The following GRB10 variants were observed in gnomAD, a reference collection of about 807,000 sequenced individuals.
GRB10 encodes the protein growth factor receptor bound protein 10.
In GRB10, 20 loss-of-function variants were observed where a neutral mutation model predicts 80.9. The ratio of observed to expected loss-of-function variants is 0.25; its 90% CI spans 0.17 to 0.36. GRB10 has a LOEUF of 0.36. Ranked by LOEUF, GRB10 falls within the 10% of genes least tolerant of loss-of-function variation. The pLI is 1.00. For synonymous variants in GRB10, 291 were observed against 291.5 expected (o/e 1.00, Z 0.02); for missense variants, 548 against 747.7 (o/e 0.73, Z 3.12).
Position 50,643,416 on chromosome 7 carries a change from T to C in GRB10, c.505-16438A>G, listed in dbSNP as rs1354696050. 3.3e-5 allele frequency among the ~76,000 whole-genome samples: 5 copies of C among 152,206 alleles called. No individual in the cohort carries two copies. The East Asian group carries it at 7.7e-4, about 23-fold the overall frequency. ...CAAGGAAACACCACACAAACCAAAA[T>C]GGCCCTTCAAGAAATCCCATCCGTC... On this transcript the variant is annotated intron_variant, in intron 7 of 18. Coordinates refer to ENST00000401949, the MANE Select transcript of GRB10 (RefSeq NM_001350814.2).
chr7:50,672,097 C>CA (rs1278300927), intron 6 of GRB10, among the ~76,000 whole-genome samples: 11 of 152,254 alleles, frequency 7.2e-5, no homozygotes, highest in African/African-American at 2.7e-4. Context: ...TCGGCTCACC[C>CA]ATCGGCTTTC....
chr7:50,641,595 C>G (rs1041561272), intron 7 of GRB10, among the ~76,000 whole-genome samples: 1 of 152,216 alleles, frequency 6.6e-6, no homozygotes, highest in Non-Finnish European at 1.5e-5. Context: ...ATGACAGCAG[C>G]TGAAGGCTGC....
chr7:50,603,370 A>G (rs2047948592), intron 17 of GRB10, among the ~76,000 whole-genome samples: 1 of 152,218 alleles, frequency 6.6e-6, no homozygotes, highest in Admixed American at 6.5e-5. Flanking sequence ...TGATGGTACG[A>G]GAATCTTGAG....
chr7:50,764,133 C>T (rs567662921), intron 2 of GRB10, among the ~76,000 whole-genome samples: 34 of 150,294 alleles, frequency 2.3e-4, no homozygotes, highest in South Asian at 6.2e-4. Flanking sequence ...CCTGTGGCCC[C>T]AGCTGCCTTC....
At chr7:50,726,154 T>C (rs1179426470) in intron 4 of GRB10, 3 of 152,094 alleles carry the variant, frequency 2.0e-5, no homozygotes, top group Non-Finnish European at 4.4e-5. Flanking sequence ...TCCCAGACCT[T>C]TGGGAGGCAG....
intron 2 of GRB10, among the ~76,000 whole-genome samples, chr7:50,760,811 G>A (rs906274548): frequency 6.6e-6 from 1 of 152,140 alleles, no homozygotes; most frequent in Admixed American, 6.5e-5. Context: ...AGGATCCCTG[G>A]GACTAGAATC....
chr7:50,628,415 A>G (rs1288339481), intron 7 of GRB10, among the ~76,000 whole-genome samples: 1 of 152,134 alleles, frequency 6.6e-6, no homozygotes, highest in East Asian at 1.9e-4. Context: ...CTGACAGCAG[A>G]GGGAAGGGCT....
intron 5 of GRB10, among the ~76,000 whole-genome samples, chr7:50,697,810 G>A (rs1250182268): frequency 2.0e-5 from 3 of 152,156 alleles, no homozygotes; most frequent in Non-Finnish European, 2.9e-5. Context: ...CTGTGCTGTG[G>A]GCTGAACCAC....
At chr7:50,605,154 C>T (rs2048308019) in intron 15 of GRB10, 136 bp downstream of exon 15, 4 of 471,916 alleles carry the variant, frequency 8.5e-6, no homozygotes, top group African/African-American at 3.7e-5. Flanking sequence ...CTGCTTCCTG[C>T]AGCTGAGAAC....
chr7:50,715,539 G>A (rs1023163754), intron 4 of GRB10, among the ~76,000 whole-genome samples: 6 of 152,066 alleles, frequency 3.9e-5, no homozygotes, highest in Admixed American at 3.9e-4. Context: ...ATCTTATTGT[G>A]GCATGAGCCA....
upstream of GRB10, among the ~76,000 whole-genome samples, chr7:50,785,451 G>A (rs2078652887): frequency 1.3e-5 from 2 of 152,218 alleles, no homozygotes; most frequent in African/African-American, 4.8e-5. Flanking sequence ...GGGCTCTGAA[G>A]AGCCTGTACA....
At chr7:50,788,911 C>A (rs1399173435) in intron 1 of GRB10, among the ~76,000 whole-genome samples, 1 of 152,210 alleles carries the variant, frequency 6.6e-6, no homozygotes, top group African/African-American at 2.4e-5. Flanking sequence ...AGATCTGTCT[C>A]CACACCCAAT....
chr7:50,676,815 T>C (rs750623006), intron 5 of GRB10, among the ~76,000 whole-genome samples: 6 of 151,108 alleles, frequency 4.0e-5, no homozygotes, highest in Non-Finnish European at 7.4e-5. Context: ...GCTTCTGGAG[T>C]GGGTGGGACA....
chr7:50,708,580 C>A (rs953366999), intron 4 of GRB10, among the ~76,000 whole-genome samples: 1 of 152,008 alleles, frequency 6.6e-6, no homozygotes, highest in Non-Finnish European at 1.5e-5. Flanking sequence ...GGTTTCCTCT[C>A]CAGGTTAGTT....
chr7:50,759,137 G>A (rs193169873), intron 2 of GRB10, among the ~76,000 whole-genome samples: 3 of 146,532 alleles, frequency 2.0e-5, no homozygotes, highest in African/African-American at 7.6e-5. Context: ...AGGCTGCAGT[G>A]AGCTGAGATC....
intron 5 of GRB10, among the ~76,000 whole-genome samples, chr7:50,690,642 G>A (rs1488859715): frequency 1.3e-5 from 2 of 152,194 alleles, no homozygotes; most frequent in East Asian, 1.9e-4. Flanking sequence ...TCGCCTACAC[G>A]AGCAACCGAT....
At chr7:50,617,353 T>C (rs1193251885) in intron 10 of GRB10, among the ~76,000 whole-genome samples, 3 of 152,236 alleles carry the variant, frequency 2.0e-5, no homozygotes, top group Non-Finnish European at 4.4e-5. Context: ...ACATGTAATG[T>C]CACCTGGATC....
At chr7:50,705,146 G>A in intron 4 of GRB10, 2 of 985,560 alleles carry the variant, frequency 2.0e-6, no homozygotes, top group Non-Finnish European at 2.4e-6. Flanking sequence ...TGACCTGGGA[G>A]CAAACAGGTT....
intron 3 of GRB10, among the ~76,000 whole-genome samples, chr7:50,752,765 G>C (rs977945035): frequency 6.6e-6 from 1 of 152,170 alleles, no homozygotes; most frequent in South Asian, 2.1e-4. Flanking sequence ...AGCCCCGCAA[G>C]GCAGAAGCTG....
Sources: gnomAD v4.1 joint callset for allele counts (sites outside exome capture counted in the v4.1 genomes callset) on GRCh38, gnomAD v4.1.1 for gene constraint, MANE v1.5 for transcripts, NCBI Gene and HGNC (gene_info 2026-07-23, HGNC 2026-07-21) for gene names.